CD44: variants seen among roughly 807,000 people sequenced by gnomAD.
CD44 encodes CD44 antigen.
A neutral mutation model predicts 88.8 loss-of-function variants in CD44; 49 were observed. The ratio of observed to expected loss-of-function variants is 0.55; its 90% confidence interval spans 0.44 to 0.70. CD44 has a LOEUF of 0.70. CD44 is among the 30% of genes least tolerant of loss of function. The pLI is 0.00. For synonymous variants in CD44, 325 were observed against 312.3 expected (o/e 1.04, Z -0.43); for missense variants, 883 against 913.8 (o/e 0.97, Z 0.43).
chr11:35,142,911 A>G (rs1274122376), intron 1 of CD44, among the ~76,000 whole-genome samples: 1 of 152,158 alleles, frequency 6.6e-6, no homozygotes, highest in Non-Finnish European at 1.5e-5. Context: ...AATCTGAAAG[A>G]GAGGGACTAG....
At chr11:35,186,611 T>G (rs1406905813) in intron 3 of CD44, among the ~76,000 whole-genome samples, 1 of 152,128 alleles carries the variant, frequency 6.6e-6, no homozygotes, top group Non-Finnish European at 1.5e-5. Context: ...GTGGGAAAAT[T>G]TCCGGAAACT....
intron 10 of CD44, chr11:35,204,846 G>T: frequency 2.0e-6 from 1 of 501,034 alleles, no homozygotes; most frequent in Non-Finnish European, 3.6e-6. Flanking sequence ...AGCCAGTTAT[G>T]AATAAGAACA....
chr11:35,186,055 A>T (rs1030137061), intron 3 of CD44, among the ~76,000 whole-genome samples: 2 of 31,312 alleles, frequency 6.4e-5, no homozygotes, highest in Admixed American at 7.7e-4. Flanking sequence ...AGAACAAGAG[A>T]AAAAAAAAAC....
chr11:35,173,799 CT>C (rs148176807), intron 1 of CD44, among the ~76,000 whole-genome samples: 7 of 152,252 alleles, frequency 4.6e-5, no homozygotes, highest in Non-Finnish European at 1.0e-4. Flanking sequence ...AATAATGACT[CT>C]TTGTCATTAT....
At chr11:35,200,962 T>G in intron 7 of CD44, 120 bp from the exon 8 acceptor site, 1 of 747,052 alleles carries the variant, frequency 1.3e-6, no homozygotes, top group African/African-American at 1.7e-5. Flanking sequence ...TGCAGCCATC[T>G]ATACAACCTG....
Position 35,204,801 on chromosome 11 carries a change from GC to G in CD44, c.1282+162del, listed in dbSNP as rs1362573849. The G allele has an allele frequency of 6.4e-6, 4 of 623,352 alleles. No individual in the cohort carries two copies. In the African/African-American group the frequency reaches 7.4e-5, roughly 12 times the overall value. 38.6% of individuals were successfully genotyped at this position (623,352 alleles called of 1,614,324 possible). ...GTTCACACAGAGCCAAACCTTAAAGGCTCATAACAAGTCACCTGAACAGGAA... is the reference window on the plus strand; with the variant it reads ...GTTCACACAGAGCCAAACCTTAAAGGTCATAACAAGTCACCTGAACAGGAA... On this transcript the variant is annotated intron_variant, in intron 10 of 17. Coordinates refer to ENST00000428726, the MANE Select transcript of CD44 (RefSeq NM_000610.4).
rs1368629863 is a variant in CD44 at position 35,187,293 on chromosome 11, AT to A, written c.436+394del. Among the ~76,000 whole-genome samples, 8 of 152,120 alleles carry A rather than the reference AT, an allele frequency of 5.3e-5. No individual in the cohort carries two copies. In the South Asian group the frequency reaches 1.0e-3, roughly 20 times the overall value. On this transcript the variant is annotated intron_variant, in intron 4 of 17. Coordinates refer to ENST00000428726, the MANE Select transcript of CD44 (RefSeq NM_000610.4). ...CATTTCCAAAAAAAAAGAAAAAAAAATATTAGTCATTTCCCTAAGACTAAGT... is the reference window on the plus strand; with the variant it reads ...CATTTCCAAAAAAAAAGAAAAAAAAAATTAGTCATTTCCCTAAGACTAAGT...
At chr11:35,165,409 A>C (rs1050844171) in intron 1 of CD44, among the ~76,000 whole-genome samples, 6 of 152,226 alleles carry the variant, frequency 3.9e-5, no homozygotes, top group Non-Finnish European at 8.8e-5. Flanking sequence ...ACTTATGTCC[A>C]TTAGTTTCTT....
chr11:35,182,955 TGCGACTGAG>T (rs938731422), intron 3 of CD44, among the ~76,000 whole-genome samples: 4 of 152,216 alleles, frequency 2.6e-5, no homozygotes, highest in African/African-American at 7.2e-5. Flanking sequence ...CTAGGCAGGC[TGCGACTGAG>T]ACTTGTTTCT....
At chr11:35,139,740 C>A in intron 1 of CD44, 1 of 511,572 alleles carries the variant, frequency 2.0e-6, no homozygotes, top group South Asian at 1.6e-5. Context: ...CAAGCCCCAC[C>A]GGGCTGTGTC....
At chr11:35,210,146 A>G (rs768902014) in intron 13 of CD44, 92 bp downstream of exon 13, 1 of 676,730 alleles carries the variant, frequency 1.5e-6, no homozygotes, top group Non-Finnish European at 2.5e-6. Context: ...AGGTGCATCC[A>G]TTAGCTGCCG....
intron 1 of CD44, among the ~76,000 whole-genome samples, chr11:35,145,637 C>T (rs375494456): frequency 1.5e-4 from 23 of 152,260 alleles, no homozygotes; most frequent in African/African-American, 5.5e-4. Context: ...AAACACTCCC[C>T]AGCAGCAGCC....
intron 6 of CD44, chr11:35,197,442 A>G (rs1946868465): frequency 6.6e-6 from 1 of 152,260 alleles, no homozygotes; most frequent in Non-Finnish European, 1.5e-5. Context: ...TTATTCAAAA[A>G]GAAAAAGAAT....
chr11:35,228,553 C>T (rs1949874749), intron 17 of CD44, among the ~76,000 whole-genome samples: 1 of 152,168 alleles, frequency 6.6e-6, no homozygotes, highest in African/African-American at 2.4e-5. Flanking sequence ...GCAAACATTT[C>T]CATTGTGAAG....
intron 1 of CD44, among the ~76,000 whole-genome samples, chr11:35,150,752 T>C (rs928503697): frequency 6.6e-6 from 1 of 152,222 alleles, no homozygotes; most frequent in Admixed American, 6.5e-5. Context: ...CACAGTATTC[T>C]AGGAGAAGTG....
At chr11:35,193,343 C>T (rs1285430149) in intron 5 of CD44, among the ~76,000 whole-genome samples, 1 of 152,214 alleles carries the variant, frequency 6.6e-6, no homozygotes. Flanking sequence ...AGGTGGCCCA[C>T]AGGCTACGGG....
At position 35,196,926 on chromosome 11, in the gene CD44, A is replaced by T. The variant is rs757215250; in HGVS notation, c.796+52A>T. On this transcript the variant is annotated intron_variant, in intron 6 of 17. Transcript: ENST00000428726. ...GTATGTTTTCTTGACAGCCTTGAAT[A>T]ATTTTGATTGACCTCTGGGATGTTA... is the stretch of plus-strand genomic sequence containing the variant. The T allele has an allele frequency of 1.9e-6, 3 of 1,578,336 alleles. No individual in the cohort carries two copies. The South Asian group carries it at 3.4e-5, about 18-fold the overall frequency.
chr11:35,197,518 G>A (rs758057506), intron 6 of CD44: 1 of 152,322 alleles, frequency 6.6e-6, no homozygotes, highest in Non-Finnish European at 1.5e-5. Context: ...TGCCAAAAAT[G>A]ATTTCTCTGT....
intron 6 of CD44, chr11:35,197,167 A>G (rs1258389567): frequency 8.4e-6 from 2 of 239,318 alleles, no homozygotes; most frequent in African/African-American, 4.4e-5. Context: ...ACTCTGAAAG[A>G]TCATTCATGT....
Sources: gnomAD v4.1 joint callset for allele counts (sites outside exome capture counted in the v4.1 genomes callset) on GRCh38, gnomAD v4.1.1 for gene constraint, MANE v1.5 for transcripts, NCBI Gene and HGNC (gene_info 2026-07-23, HGNC 2026-07-21) for gene names.